The following SLC25A36 variants were observed in gnomAD, a reference collection of about 807,000 sequenced individuals.
The protein encoded by SLC25A36 is epididymis secretory sperm binding protein.
In SLC25A36, 24 loss-of-function variants were observed where a neutral mutation model predicts 35.3. The ratio of observed to expected loss-of-function variants is 0.68; its 90% CI spans 0.49 to 0.96. SLC25A36 has a LOEUF of 0.96. Among genes scored for constraint, SLC25A36 ranks in the 40% least tolerant of loss-of-function variants. The pLI is 0.00. For missense variants in SLC25A36, 294 were observed against 381.1 expected, an observed-to-expected ratio of 0.77 and a Z score of 1.90; for synonymous variants, 141 against 132.2, an observed-to-expected ratio of 1.07 and a Z score of -0.46.
At chr3:140,954,723 G>A (rs1037111380) in intron 1 of SLC25A36, among the ~76,000 whole-genome samples, 11 of 152,166 alleles carry the variant, frequency 7.2e-5, no homozygotes, top group Non-Finnish European at 1.5e-4. Context: ...CTGACTGTAA[G>A]CACTTTTGCA....
chr3:140,977,974 G>A lies in SLC25A36; in HGVS notation c.*1521G>A, dbSNP rs1188218577. 1 of 151,662 alleles carries A rather than the reference G, an allele frequency of 6.6e-6. No homozygotes were observed. Among genetic ancestry groups the A allele is most frequent in the Non-Finnish European group, 1.5e-5 (1 of 67,920 alleles). The allele number at this position is 151,662 out of a possible 1,614,324, so 9.4% of individuals were successfully genotyped here. ...ATTGGTCACGTATTAGGCAGAAACA[G>A]TGTTCATAACATTTTTCTGGGTTTT... On this transcript the variant is annotated 3_prime_UTR_variant, in exon 7 of 7. Coordinates refer to ENST00000324194, the MANE Select transcript of SLC25A36 (RefSeq NM_001104647.3).
chr3:140,952,210 G>T (rs1414052210), intron 1 of SLC25A36, among the ~76,000 whole-genome samples: 7 of 152,042 alleles, frequency 4.6e-5, no homozygotes, highest in Admixed American at 3.3e-4. Context: ...TAGAGACGGG[G>T]TTTTATCATG....
At chr3:140,956,723 G>C in intron 2 of SLC25A36, 32 bp downstream of exon 2, 1 of 1,540,574 alleles carries the variant, frequency 6.5e-7, no homozygotes, top group Non-Finnish European at 8.8e-7. Flanking sequence ...GTGTTTTTTA[G>C]TTTGTTTGCG....
At chr3:140,944,857 A>G (rs1934121195) in intron 1 of SLC25A36, among the ~76,000 whole-genome samples, 1 of 152,198 alleles carries the variant, frequency 6.6e-6, no homozygotes. Flanking sequence ...AATGAACGAT[A>G]TTTGTTAAAT....
intron 6 of SLC25A36, among the ~76,000 whole-genome samples, chr3:140,974,995 C>CTAAG (rs1267548761): frequency 6.7e-6 from 1 of 148,982 alleles, no homozygotes; most frequent in Non-Finnish European, 1.5e-5. Context: ...TGGTGGCCTG[C>CTAAG]TAAGGTGTAA....
intron 4 of SLC25A36, chr3:140,968,266 C>A: frequency 2.3e-6 from 2 of 886,088 alleles, no homozygotes; most frequent in Non-Finnish European, 2.7e-6. Context: ...GAGTTTTTAG[C>A]GGTAAAGGGC....
intron 5 of SLC25A36, among the ~76,000 whole-genome samples, chr3:140,972,249 ATAT>A (rs1934923779): frequency 6.6e-6 from 1 of 152,196 alleles, no homozygotes; most frequent in South Asian, 2.1e-4. Context: ...AAACTCTTTA[ATAT>A]TATTTTTTTC....
At chr3:140,956,747 G>A in intron 2 of SLC25A36, 56 bp downstream of exon 2, 1 of 1,489,394 alleles carries the variant, frequency 6.7e-7, no homozygotes, top group Non-Finnish European at 9.0e-7. Context: ...GTGAGTTCCA[G>A]ATGTTTGTTT....
chr3:140,941,910 T>A lies in SLC25A36; in HGVS notation c.-145T>A, dbSNP rs1462697161. On this transcript the variant is annotated 5_prime_UTR_variant, in exon 1 of 7. Transcript: ENST00000324194. ...GTGCCGCGGGGAGGGCTGTGCCGGT[T>A]GCTTTCTGCAGCCGCATCTCGGCCA... The A allele has an allele frequency of 1.9e-6, 1 of 536,082 alleles. No individual in the cohort carries two copies. Among genetic ancestry groups the A allele is most frequent in the Admixed American group, 4.0e-5 (1 of 24,748 alleles). 33.2% of individuals were successfully genotyped at this position (536,082 alleles called of 1,614,324 possible). A position where few individuals can be genotyped will look rare whatever the true frequency, so the allele number is the denominator to read the frequency against.
intron 1 of SLC25A36, among the ~76,000 whole-genome samples, chr3:140,948,016 C>T (rs1470197057): frequency 1.3e-5 from 2 of 152,214 alleles, no homozygotes; most frequent in Non-Finnish European, 1.5e-5. Flanking sequence ...TGCAGTGGCA[C>T]GATCTCGGCT....
Position 140,973,782 on chromosome 3 carries a change from A to C in SLC25A36, c.519A>C (p.Leu173=), listed in dbSNP as rs147177751. The change falls in exon 6 of 7, where the codon CTA becomes CTC. Residue 173 remains leucine (L), a synonymous_variant. Transcript: ENST00000324194. ...GTAAAGTGTATCAGACAGATGGACT[A>C]AAAGGATTTTATAGGGGCATGTCTG... is the stretch of plus-strand genomic sequence containing the variant. ...CVRKVYQTDG[L]KGFYRGMSAS... 1.9e-6 allele frequency: 3 copies of C among 1,612,180 alleles called. No individual in the cohort carries two copies. In the African/African-American group the frequency reaches 4.0e-5, roughly 22 times the overall value.
chr3:140,953,786 G>A (rs1348889567), intron 1 of SLC25A36, among the ~76,000 whole-genome samples: 1 of 152,050 alleles, frequency 6.6e-6, no homozygotes, highest in African/African-American at 2.4e-5. Context: ...GCAAGACCCT[G>A]TCTCAACAAA....
intron 5 of SLC25A36, among the ~76,000 whole-genome samples, chr3:140,971,886 T>C (rs945340674): frequency 3.3e-5 from 5 of 152,234 alleles, no homozygotes; most frequent in Non-Finnish European, 2.9e-5. Context: ...AATAGTGTTA[T>C]GTCCTATAGG....
chr3:140,975,526 T>G (rs1461517758), intron 6 of SLC25A36, among the ~76,000 whole-genome samples: 2 of 152,132 alleles, frequency 1.3e-5, no homozygotes, highest in African/African-American at 4.8e-5. Flanking sequence ...TCTGGAATAC[T>G]GTGCTGAAAA....
At chr3:140,948,143 C>T (rs1431783713) in intron 1 of SLC25A36, among the ~76,000 whole-genome samples, 1 of 152,100 alleles carries the variant, frequency 6.6e-6, no homozygotes, top group East Asian at 1.9e-4. Context: ...TTAGTAGAGA[C>T]AGGATTTCAC....
At chr3:140,972,581 A>G (rs532473768) in intron 5 of SLC25A36, among the ~76,000 whole-genome samples, 1 of 152,158 alleles carries the variant, frequency 6.6e-6, no homozygotes, top group African/African-American at 2.4e-5. Flanking sequence ...GGCTGCAGTG[A>G]GCCATGATTG....
Position 140,973,967 on chromosome 3 carries a change from C to T in SLC25A36, c.704C>T (p.Thr235Ile), listed in dbSNP as rs769826039. The change falls in exon 6 of 7, where the codon ACC becomes ATC. Residue 235 changes from threonine to isoleucine, a missense_variant. Physicochemically the swap from Thr to Ile is moderately conservative, Grantham distance 89. This residue lies in a region of SLC25A36 where 109 missense variants were observed against 179.7 expected (regional missense o/e 0.61). Coordinates refer to ENST00000324194, the MANE Select transcript of SLC25A36 (RefSeq NM_001104647.3). ...DFVGMMLAAA[T>I]SKTCATTIAY... Reference sequence around the variant, plus strand: ...GTGGGAATGATGCTAGCTGCTGCCACCTCAAAAACTTGTGCCACAACTATA... The same window carrying T: ...GTGGGAATGATGCTAGCTGCTGCCATCTCAAAAACTTGTGCCACAACTATA... 1.5e-5 allele frequency: 24 copies of T among 1,585,812 alleles called. No individual in the cohort carries two copies. Among genetic ancestry groups the T allele is most frequent in the Non-Finnish European group, 2.0e-5 (23 of 1,162,854 alleles).
intron 4 of SLC25A36, 135 bp from the exon 5 acceptor site, chr3:140,970,792 G>T: frequency 2.0e-6 from 1 of 489,326 alleles, no homozygotes; most frequent in South Asian, 3.0e-5. Context: ...TATGTGAAAA[G>T]TGTAATATAT....
Position 140,941,884 on chromosome 3 carries a change from A to G in SLC25A36, c.-171A>G. The stretch of plus-strand genomic sequence containing the variant: ...CTTAGGCAGGCGGTGGCGCGGCTGG[A>G]GTGCCGCGGGGAGGGCTGTGCCGGT... On this transcript the variant is annotated 5_prime_UTR_variant, in exon 1 of 7. Transcript: ENST00000324194. 4.1e-6 allele frequency: 2 copies of G among 489,992 alleles called. No homozygotes were observed. The highest frequency in any genetic ancestry group is 7.4e-6 in the Non-Finnish European group (2 of 271,852). 30.4% of individuals were successfully genotyped at this position (489,992 alleles called of 1,614,324 possible).
Sources: allele counts gnomAD v4.1 joint callset (sites outside exome capture counted in the v4.1 genomes callset), GRCh38; gene constraint gnomAD v4.1.1; regional missense constraint gnomAD v4.1.1; transcripts MANE v1.5; gene names NCBI Gene and HGNC (gene_info 2026-07-23, HGNC 2026-07-21).